Variants in CLEC16A observed in about 807,000 individuals in gnomAD.
CLEC16A encodes the protein protein CLEC16A.
In CLEC16A, 51 loss-of-function variants were observed where a neutral mutation model predicts 109.5. The ratio of observed to expected loss-of-function variants is 0.47; its 90% CI spans 0.37 to 0.59. The LOEUF (loss-of-function observed/expected upper bound fraction) is 0.59. Among genes scored for constraint, CLEC16A ranks in the 20% least tolerant of loss-of-function variants. CLEC16A has a pLI of 0.00. For synonymous variants in CLEC16A, 673 were observed against 564.2 expected (o/e 1.19, Z -2.73); for missense variants, 1,339 against 1,394.0 (o/e 0.96, Z 0.63).
intron 1 of CLEC16A, among the ~76,000 whole-genome samples, chr16:10,950,846 C>T (rs1441116575): frequency 6.6e-6 from 1 of 152,210 alleles, no homozygotes; most frequent in African/African-American, 2.4e-5. Flanking sequence ...AACCCCCAGA[C>T]CTCCTATCAT....
At chr16:11,109,588 C>G (rs940397900) in intron 19 of CLEC16A, among the ~76,000 whole-genome samples, 5 of 152,234 alleles carry the variant, frequency 3.3e-5, no homozygotes, top group African/African-American at 9.6e-5. Context: ...GCAGTTCCCC[C>G]TCACTAATCC....
chr16:11,009,909 T>G (rs2045294699), intron 11 of CLEC16A, among the ~76,000 whole-genome samples: 1 of 152,140 alleles, frequency 6.6e-6, no homozygotes, highest in Non-Finnish European at 1.5e-5. Flanking sequence ...ATCCCAGCAC[T>G]TCGGGAGGCC....
At chr16:11,135,345 C>T (rs1049655531) in intron 22 of CLEC16A, among the ~76,000 whole-genome samples, 4 of 152,198 alleles carry the variant, frequency 2.6e-5, no homozygotes, top group Non-Finnish European at 5.9e-5. Context: ...GAAGGAACCG[C>T]GTTCCCGGAT....
chr16:11,075,412 C>CTGTGTGTGTGTGTGTGTATG (rs375261875), intron 19 of CLEC16A, among the ~76,000 whole-genome samples: 25 of 120,616 alleles, frequency 2.1e-4, no homozygotes, highest in African/African-American at 7.3e-4. Flanking sequence ...GTGTGTGTGT[C>CTGTGTGTGTGTGTGTGTATG]TGTGTGTGTG....
chr16:11,155,707 G>A (rs886133284), intron 22 of CLEC16A, among the ~76,000 whole-genome samples: 7 of 152,188 alleles, frequency 4.6e-5, no homozygotes, highest in African/African-American at 9.7e-5. Flanking sequence ...ATCAGCCATC[G>A]GTCTGGCCTA....
At chr16:11,043,982 C>T (rs199582814) in intron 15 of CLEC16A, 46 bp from the exon 16 acceptor site, 2 of 1,538,786 alleles carry the variant, frequency 1.3e-6, no homozygotes, top group Non-Finnish European at 1.8e-6. Context: ...GACTTGCTCA[C>T]CTATATGAGA....
intron 15 of CLEC16A, among the ~76,000 whole-genome samples, chr16:11,043,353 T>C (rs2047452442): frequency 6.6e-6 from 1 of 152,076 alleles, no homozygotes; most frequent in African/African-American, 2.4e-5. Context: ...GAGACTGCAG[T>C]GAGCTATGAT....
intron 13 of CLEC16A, among the ~76,000 whole-genome samples, chr16:11,026,495 G>T (rs1444993515): frequency 6.6e-6 from 1 of 152,066 alleles, no homozygotes; most frequent in Non-Finnish European, 1.5e-5. Flanking sequence ...GATCTGTAGT[G>T]ATGTTCCCTC....
At chr16:10,990,256 G>A (rs1024501471) in intron 10 of CLEC16A, among the ~76,000 whole-genome samples, 2 of 152,280 alleles carry the variant, frequency 1.3e-5, no homozygotes, top group Non-Finnish European at 1.5e-5. Context: ...CGGCTCTGAG[G>A]TGCCATTCTT....
chr16:11,111,316 A>T (rs1420073972), intron 19 of CLEC16A, among the ~76,000 whole-genome samples: 1 of 152,188 alleles, frequency 6.6e-6, no homozygotes, highest in East Asian at 1.9e-4. Flanking sequence ...TGGCGTGTAT[A>T]GACTGGGAGC....
chr16:11,094,375 C>T (rs1209106725), intron 19 of CLEC16A, among the ~76,000 whole-genome samples: 1 of 152,212 alleles, frequency 6.6e-6, no homozygotes, highest in African/African-American at 2.4e-5. Flanking sequence ...TTGCAGTAAA[C>T]CTTCTGGAAG....
At chr16:11,052,102 C>T (rs2047976829) in intron 18 of CLEC16A, among the ~76,000 whole-genome samples, 1 of 152,300 alleles carries the variant, frequency 6.6e-6, no homozygotes, top group South Asian at 2.1e-4. Context: ...CACCAGCCTG[C>T]AGGACAGATA....
intron 8 of CLEC16A, among the ~76,000 whole-genome samples, chr16:10,979,070 T>G (rs2043174783): frequency 6.6e-6 from 1 of 152,130 alleles, no homozygotes; most frequent in African/African-American, 2.4e-5. Context: ...GAGCAAGTTC[T>G]CGTGGGTCAG....
chr16:11,055,284 TG>T (rs1190455868), intron 18 of CLEC16A, among the ~76,000 whole-genome samples: 1 of 152,224 alleles, frequency 6.6e-6, no homozygotes, highest in Non-Finnish European at 1.5e-5. Context: ...AGCCAGGGGC[TG>T]AGGAGCGCTC....
rs536415365 is a variant in CLEC16A, at chr16:10,977,210, C to T, written c.729-15C>T. 1 of 1,610,900 alleles carries T rather than the reference C, an allele frequency of 6.2e-7. No individual in the cohort carries two copies. Among genetic ancestry groups the T allele is most frequent in the African/African-American group, 1.3e-5 (1 of 75,042 alleles). Reference sequence around the variant, plus strand: ...GTGTTGGCCTCCAGGCTGAGGTGGTCATTTCTCCTGGCAGGCATCGGAATC... The same window carrying T: ...GTGTTGGCCTCCAGGCTGAGGTGGTTATTTCTCCTGGCAGGCATCGGAATC... On this transcript the variant is annotated splice_polypyrimidine_tract_variant and intron_variant, in intron 7 of 23. Transcript: ENST00000409790.
chr16:11,086,991 CACTT>C (rs2050046995), intron 19 of CLEC16A, among the ~76,000 whole-genome samples: 1 of 152,192 alleles, frequency 6.6e-6, no homozygotes, highest in South Asian at 2.1e-4. Context: ...ACCTTGTGAT[CACTT>C]ACTTAGTAAT....
intron 22 of CLEC16A, among the ~76,000 whole-genome samples, chr16:11,128,368 T>C (rs527318305): frequency 6.6e-6 from 1 of 152,346 alleles, no homozygotes; most frequent in Non-Finnish European, 1.5e-5. Context: ...CTCCAGAACC[T>C]GGGCCTGCCT....
chr16:11,099,997 G>A (rs2050821295), intron 19 of CLEC16A, among the ~76,000 whole-genome samples: 1 of 151,932 alleles, frequency 6.6e-6, no homozygotes, highest in Admixed American at 6.6e-5. Flanking sequence ...GGCTGACTGG[G>A]TACACAGGCT....
intron 16 of CLEC16A, among the ~76,000 whole-genome samples, chr16:11,044,713 C>G (rs1382724421): frequency 3.3e-5 from 5 of 150,888 alleles, no homozygotes; most frequent in African/African-American, 7.3e-5. Flanking sequence ...GGTGGATCAC[C>G]TGAGGTCGGG....
Sources: allele counts gnomAD v4.1 joint callset (sites outside exome capture counted in the v4.1 genomes callset), GRCh38; gene constraint gnomAD v4.1.1; transcripts MANE v1.5; gene names NCBI Gene and HGNC (gene_info 2026-07-23, HGNC 2026-07-21).